The following FHOD1 variants were observed in gnomAD, a reference collection of about 807,000 sequenced individuals.
FHOD1 encodes the protein formin homology 2 domain containing 1.
In FHOD1, 89 loss-of-function variants were observed where a neutral mutation model predicts 111.6. That is an observed-to-expected ratio of 0.80 (90% CI 0.67 to 0.95). The LOEUF is 0.95. Ranked by LOEUF, FHOD1 falls within the 40% of genes least tolerant of loss-of-function variation. The pLI is 0.00. For synonymous variants in FHOD1, 618 were observed against 639.0 expected, an observed-to-expected ratio of 0.97 and a Z score of 0.50; for missense variants, 1,446 against 1,554.2, an observed-to-expected ratio of 0.93 and a Z score of 1.17.
In FHOD1 at chr16:67,231,051, G is replaced by A. The variant is rs41280894; in HGVS notation, c.2667+137C>T. ...TAGAGGAAAGAGCATTTCTGGCAGA[G>A]GGCATAGCTCACACCCAGGTGGCTG... is the stretch of plus-strand genomic sequence containing the variant. On this transcript the variant is annotated intron_variant, in intron 17 of 21. Transcript: ENST00000258201. The surrounding 1 kb of genome is among the most constrained non-coding windows in gnomAD (Gnocchi z 4.3). The A allele has an allele frequency of 1.6e-4, 182 of 1,148,070 alleles. No individual in the cohort carries two copies. The highest frequency in any genetic ancestry group is 2.1e-4 in the Non-Finnish European group (171 of 812,866). The allele number at this position is 1,148,070 out of a possible 1,614,324, so 71.1% of individuals were successfully genotyped here. A position where few individuals can be genotyped will look rare whatever the true frequency, so the allele number is the denominator to read the frequency against.
Position 67,237,277 on chromosome 16 carries a change from T to C in FHOD1, c.955A>G (p.Thr319Ala). The stretch of plus-strand genomic sequence containing the variant: ...AGCTGCGTGCGCAGGTCGACGTCAG[T>C]GCCCGCAGTGCCCAGGTGGCGCTGG... The part of the protein sequence containing the change: ...LVQRHLGTAG[T>A]DVDLRTQLVL... Residue 319 changes from threonine to alanine, a missense_variant, in exon 9 of 22, where the codon ACT (threonine) becomes GCT (alanine). Coordinates refer to ENST00000258201, the MANE Select transcript of FHOD1 (RefSeq NM_013241.3). This position sits in a 1 kb window ranked among gnomAD's most constrained non-coding sequence, Gnocchi z 5.6. 1 of 1,613,964 alleles carries C rather than the reference T, an allele frequency of 6.2e-7. No homozygotes were observed. Among genetic ancestry groups the C allele is most frequent in the Non-Finnish European group, 8.5e-7 (1 of 1,180,014 alleles).
In FHOD1 at chr16:67,230,226, T is replaced by C; in HGVS notation, c.3054A>G (p.Thr1018=). 6.2e-7 allele frequency: 1 copy of C among 1,613,926 alleles called. No homozygotes were observed. Among genetic ancestry groups the C allele is most frequent in the Non-Finnish European group, 8.5e-7 (1 of 1,179,848 alleles). Residue 1018 remains threonine, a splice_region_variant and synonymous_variant, in exon 20 of 22, where the codon ACA becomes ACG. Coordinates refer to ENST00000258201, the MANE Select transcript of FHOD1 (RefSeq NM_013241.3). ...CCCCAGCCACACCTGAGAACTTCTC[T>C]GTCTGGAGAAAGAAGAAGGGTGAGC... ...NKTRGRMITE[T]EKFSGVAGEA... is the part of the protein sequence containing the mutation.
At chr16:67,236,755 G>A in intron 10 of FHOD1, 22 bp from the exon 11 acceptor site, 1 of 1,501,488 alleles carries the variant, frequency 6.7e-7, no homozygotes, top group East Asian at 2.4e-5. Flanking sequence ...GGCTGTCAGT[G>A]GGGCGGGGCC....
rs779720663 is a variant in FHOD1 at position 67,237,029 on chromosome 16, T to C, written c.1079A>G (p.Glu360Gly). Reference sequence around the variant, plus strand: ...CAGAGAACGGCGGCTCCTCTTGCCCTCCTCAGAAGAAGGCTTTCGTCGTTC... The same window carrying C: ...CAGAGAACGGCGGCTCCTCTTGCCCCCCTCAGAAGAAGGCTTTCGTCGTTC... ...RRERRKPSSE[E>G]GKRSRRSLEG... Residue 360 changes from glutamate to glycine, a missense_variant, in exon 10 of 22, where the codon GAG becomes GGG. Physicochemically the swap from Glu to Gly is moderately conservative, Grantham distance 98. This residue lies in a region of FHOD1 where 1,085 missense variants were observed against 1,108.8 expected (regional missense o/e 0.98). Coordinates refer to ENST00000258201, the MANE Select transcript of FHOD1 (RefSeq NM_013241.3). The surrounding 1 kb of genome is among the most constrained non-coding windows in gnomAD (Gnocchi z 5.6). 28 of 1,612,872 alleles carry C rather than the reference T, an allele frequency of 1.7e-5. No homozygotes were observed. Among genetic ancestry groups the C allele is most frequent in the Non-Finnish European group, 2.4e-5 (28 of 1,179,634 alleles).
In FHOD1 at chr16:67,229,395, T is replaced by C. The variant is rs2034152013; in HGVS notation, c.*241A>G. 1 of 596,810 alleles carries C rather than the reference T, an allele frequency of 1.7e-6. No individual in the cohort carries two copies. Among genetic ancestry groups the C allele is most frequent in the Non-Finnish European group, 2.9e-6 (1 of 339,464 alleles). 37.0% of individuals were successfully genotyped at this position (596,810 alleles called of 1,614,324 possible). A position where few individuals can be genotyped will look rare whatever the true frequency, so the allele number is the denominator to read the frequency against. On this transcript the variant is annotated 3_prime_UTR_variant, in exon 22 of 22. Transcript: ENST00000258201. ...CTGAAAGAAGAGAAACCTGTTGGATTAGCTAAGAAAATTTTATTTTGCTCC... is the reference window on the plus strand; with the variant it reads ...CTGAAAGAAGAGAAACCTGTTGGATCAGCTAAGAAAATTTTATTTTGCTCC...
Position 67,235,976 on chromosome 16 carries a change from G to C in FHOD1, c.1319+581C>G, listed in dbSNP as rs183425275. 9.4e-4 allele frequency: 891 copies of C among 951,772 alleles called. 4 individuals are homozygous for C. The highest frequency in any genetic ancestry group is 4.8e-3 in the Middle Eastern group (9 of 1,856). 59.0% of individuals were successfully genotyped at this position (951,772 alleles called of 1,614,324 possible). ...CTGGGGGAAGCAATGCTGAAGCCCTGAGCACATGGCAGGCCTGGCAGGCCG... is the reference window on the plus strand; with the variant it reads ...CTGGGGGAAGCAATGCTGAAGCCCTCAGCACATGGCAGGCCTGGCAGGCCG... On this transcript the variant is annotated intron_variant, in intron 11 of 21. Transcript: ENST00000258201.
At chr16:67,245,546 A>T (rs2034786031) in intron 1 of FHOD1, among the ~76,000 whole-genome samples, 1 of 152,102 alleles carries the variant, frequency 6.6e-6, no homozygotes, top group African/African-American at 2.4e-5. Context: ...GGAGTTTGAG[A>T]CCAGGCTGGC....
At position 67,230,752 on chromosome 16, in the gene FHOD1, C is replaced by T. The variant is rs753412615; in HGVS notation, c.2707G>A (p.Glu903Lys). Residue 903 changes from glutamate (E) to lysine (K), a missense_variant, in exon 18 of 22, where the codon GAG becomes AAG. Around this residue, in one of 3 missense-constraint regions of FHOD1, gnomAD observed 1,085 missense variants for 1,108.8 expected, o/e 0.98. Coordinates refer to ENST00000258201, the MANE Select transcript of FHOD1 (RefSeq NM_013241.3). ...TCCTCGGCTGCCCGGCTCCGGCGCT[C>T]CAGCTGCCCCAGGTTCTCAGTCAGC... is the stretch of plus-strand genomic sequence containing the variant. ...EQLTENLGQLERRSRAAEESL... is the reference protein window; with the variant it reads ...EQLTENLGQLKRRSRAAEESL... 1.1e-5 allele frequency: 17 copies of T among 1,607,174 alleles called. No homozygotes were observed. In the East Asian group the frequency reaches 1.1e-4, roughly 11 times the overall value.
At position 67,231,921 on chromosome 16, in the gene FHOD1, TG is replaced by T; in HGVS notation, c.2203-103del. ...GTCATCTAGGGGAGGCCCCAGTGTC[TG>T]GGGACTGCCCTGCAGAAATGCCAAG... On this transcript the variant is annotated intron_variant, in intron 14 of 21. Transcript: ENST00000258201. The surrounding 1 kb of genome is among the most constrained non-coding windows in gnomAD (Gnocchi z 4.3). 1 of 1,541,786 alleles carries T rather than the reference TG, an allele frequency of 6.5e-7. No individual in the cohort carries two copies. The highest frequency in any genetic ancestry group is 8.8e-7 in the Non-Finnish European group (1 of 1,139,042).
At position 67,231,493 on chromosome 16, in the gene FHOD1, A is replaced by T. The variant is rs754121800; in HGVS notation, c.2442T>A (p.Asn814Lys). Residue 814 changes from asparagine to lysine, a missense_variant, in exon 16 of 22, where the codon AAT (asparagine) becomes AAA (lysine). Coordinates refer to ENST00000258201, the MANE Select transcript of FHOD1 (RefSeq NM_013241.3). The surrounding 1 kb of genome is among the most constrained non-coding windows in gnomAD (Gnocchi z 4.3). ...LKVGMEQLVQ[N>K]ATFRCILATL... Reference sequence around the variant, plus strand: ...TAGCCAGGATGCAGCGGAAGGTGGCATTCTGTACCAGCTGTTCCATACCCA... The same window carrying T: ...TAGCCAGGATGCAGCGGAAGGTGGCTTTCTGTACCAGCTGTTCCATACCCA... 1.5e-5 allele frequency: 24 copies of T among 1,614,054 alleles called. No individual in the cohort carries two copies. The highest frequency in any genetic ancestry group is 2.0e-5 in the Non-Finnish European group (24 of 1,180,018).
rs2034518986 is a variant in FHOD1, at chr16:67,237,191, C to T, written c.993+48G>A. 1.9e-6 allele frequency: 3 copies of T among 1,604,604 alleles called. No homozygotes were observed. The highest frequency in any genetic ancestry group is 2.6e-6 in the Non-Finnish European group (3 of 1,173,418). ...GGGTGGGGCGCTGGGGACTGCGCTT[C>T]TCTCTTCCCTCTTTCCAATCCGCCT... On this transcript the variant is annotated intron_variant, in intron 9 of 21. Transcript: ENST00000258201. This position sits in a 1 kb window ranked among gnomAD's most constrained non-coding sequence, Gnocchi z 5.6.
intron 11 of FHOD1, among the ~76,000 whole-genome samples, chr16:67,235,555 C>T (rs975813809): frequency 2.7e-5 from 4 of 149,184 alleles, no homozygotes; most frequent in South Asian, 2.1e-4. Context: ...AAAAAAAAAA[C>T]GGATGTGGTA....
chr16:67,236,790 C>G, intron 10 of FHOD1, 57 bp from the exon 11 acceptor site: 2 of 643,922 alleles, frequency 3.1e-6, no homozygotes, highest in Non-Finnish European at 3.7e-6. Flanking sequence ...CGGGGCCTGT[C>G]AGTGGGGTGG....
intron 1 of FHOD1, among the ~76,000 whole-genome samples, chr16:67,245,249 C>T (rs140051583): frequency 5.4e-4 from 82 of 152,200 alleles, no homozygotes; most frequent in Admixed American, 9.2e-4. Context: ...ATCGGGGAGA[C>T]CAGGAAGGAC....
Position 67,238,846 on chromosome 16 carries a change from G to A in FHOD1, c.373+57C>T. The A allele has an allele frequency of 6.4e-7, 1 of 1,563,712 alleles. No homozygotes were observed. The highest frequency in any genetic ancestry group is 8.8e-7 in the Non-Finnish European group (1 of 1,134,046). On this transcript the variant is annotated intron_variant, in intron 3 of 21. Coordinates refer to ENST00000258201, the MANE Select transcript of FHOD1 (RefSeq NM_013241.3). This position sits in a 1 kb window ranked among gnomAD's most constrained non-coding sequence, Gnocchi z 4.2. ...CTGTTCAGCACAGGCCTGAAGGTGA[G>A]CCAACTGGGCTATGGGGAGGAGGTG...
At chr16:67,230,820 TC>T in intron 17 of FHOD1, 29 bp from the exon 18 acceptor site, 1 of 1,555,182 alleles carries the variant, frequency 6.4e-7, no homozygotes, top group Non-Finnish European at 8.7e-7. Context: ...GCACATACTG[TC>T]CCCCCACACC....
chr16:67,231,020 G>C lies in FHOD1; in HGVS notation c.2667+168C>G. 1 of 960,454 alleles carries C rather than the reference G, an allele frequency of 1.0e-6. No individual in the cohort carries two copies. Among genetic ancestry groups the C allele is most frequent in the South Asian group, 1.7e-5 (1 of 59,372 alleles). 59.5% of individuals were successfully genotyped at this position (960,454 alleles called of 1,614,324 possible). A position where few individuals can be genotyped will look rare whatever the true frequency, so the allele number is the denominator to read the frequency against. On this transcript the variant is annotated intron_variant, in intron 17 of 21. Transcript: ENST00000258201. This position sits in a 1 kb window ranked among gnomAD's most constrained non-coding sequence, Gnocchi z 4.3. ...CCCAAAGACTGAGTAGGTGTGGCCAGGCCAATAGAGGAAAGAGCATTTCTG... is the reference window on the plus strand; with the variant it reads ...CCCAAAGACTGAGTAGGTGTGGCCACGCCAATAGAGGAAAGAGCATTTCTG...
intron 1 of FHOD1, among the ~76,000 whole-genome samples, chr16:67,243,826 A>T (rs1172416888): frequency 2.6e-5 from 4 of 152,196 alleles, no homozygotes; most frequent in African/African-American, 7.2e-5. Context: ...GCAAGTTAGG[A>T]TAATAGTATC....
chr16:67,246,560 G>A (rs2034842677), intron 1 of FHOD1, among the ~76,000 whole-genome samples: 1 of 152,310 alleles, frequency 6.6e-6, no homozygotes, highest in South Asian at 2.1e-4. Flanking sequence ...CGGGCCGATG[G>A]GCGGCGAGTG....
Sources: allele counts gnomAD v4.1 joint callset (sites outside exome capture counted in the v4.1 genomes callset), GRCh38; gene constraint gnomAD v4.1.1; regional missense constraint gnomAD v4.1.1; non-coding constraint Gnocchi (gnomAD v3.1); transcripts MANE v1.5; gene names NCBI Gene and HGNC (gene_info 2026-07-23, HGNC 2026-07-21).